The following METTL6 variants were observed in gnomAD, a reference collection of about 807,000 sequenced individuals.
The protein encoded by METTL6 is methyltransferase 6, tRNA N3-cytidine.
METTL6 carries 22 observed loss-of-function variants against 26.4 expected under a neutral mutation model. The observed-to-expected ratio is 0.83, with a 90% CI of 0.59 to 1.19. METTL6 has a LOEUF of 1.19. Ranked by LOEUF, METTL6 falls within the 50% of genes most tolerant of loss-of-function variation. METTL6 has a pLI of 0.00. For synonymous variants in METTL6, 109 were observed against 116.2 expected (o/e 0.94, Z 0.40); for missense variants, 304 against 324.8 (o/e 0.94, Z 0.49).
chr3:15,406,625 TATATAGAGAG>T (rs1298932966), downstream of METTL6, among the ~76,000 whole-genome samples: 9 of 36,342 alleles, frequency 2.5e-4, no homozygotes, highest in Non-Finnish European at 3.3e-4. Flanking sequence ...TATATATATA[TATATAGAGAG>T]AGAGAGAGAG....
downstream of METTL6, among the ~76,000 whole-genome samples, chr3:15,407,144 G>T (rs903223496): frequency 6.6e-6 from 1 of 151,940 alleles, no homozygotes; most frequent in Admixed American, 6.6e-5. Flanking sequence ...CAATTAGCTG[G>T]GACTACAGTG....
At chr3:15,401,595 T>C (rs1229047521) in intron 6 of METTL6, among the ~76,000 whole-genome samples, 2 of 148,636 alleles carry the variant, frequency 1.3e-5, no homozygotes, top group Non-Finnish European at 3.0e-5. Context: ...ACAAAGTCCC[T>C]GCTAATAAGA....
intron 6 of METTL6, among the ~76,000 whole-genome samples, chr3:15,394,606 A>C (rs1699437930): frequency 6.6e-6 from 1 of 152,026 alleles, no homozygotes; most frequent in African/African-American, 2.4e-5. Flanking sequence ...TCAATTTTAG[A>C]TCTTTCCTGC....
chr3:15,401,356 T>C (rs1446510081), intron 6 of METTL6, among the ~76,000 whole-genome samples: 1 of 151,404 alleles, frequency 6.6e-6, no homozygotes, highest in Non-Finnish European at 1.5e-5. Context: ...GTATTTTCTG[T>C]AGAAATGGGG....
chr3:15,417,634 G>A (rs2125005574), intron 3 of METTL6, among the ~76,000 whole-genome samples: 1 of 152,034 alleles, frequency 6.6e-6, no homozygotes, highest in Admixed American at 6.5e-5. Flanking sequence ...TGTATATACT[G>A]TATATATAAA....
chr3:15,389,870 T>G (rs985520311), intron 6 of METTL6, among the ~76,000 whole-genome samples: 1 of 148,182 alleles, frequency 6.7e-6, no homozygotes, highest in Non-Finnish European at 1.5e-5. Flanking sequence ...TTTTTTTTTT[T>G]AAAGAGAAAG....
intron 6 of METTL6, among the ~76,000 whole-genome samples, chr3:15,393,164 C>T (rs1699394525): frequency 6.6e-6 from 1 of 152,118 alleles, no homozygotes; most frequent in Non-Finnish European, 1.5e-5. Flanking sequence ...GTATCCTCTT[C>T]TATTACATTG....
chr3:15,396,056 G>C (rs933396259), intron 6 of METTL6, among the ~76,000 whole-genome samples: 12 of 152,060 alleles, frequency 7.9e-5, no homozygotes, highest in Non-Finnish European at 1.8e-4. Context: ...TGCTAGATTG[G>C]GGAAGTTCTC....
rs1191049049 is a variant in METTL6, at chr3:15,409,906, A to C, written c.*1350T>G. ...GAACACTCCTTTAGGCTAGAAATATATATGAGTGTCTTATTTTAGTCTACT... is the reference window on the plus strand; with the variant it reads ...GAACACTCCTTTAGGCTAGAAATATCTATGAGTGTCTTATTTTAGTCTACT... On this transcript the variant is annotated 3_prime_UTR_variant, in exon 6 of 6. Transcript: ENST00000383790. 6.6e-6 allele frequency among the ~76,000 whole-genome samples: 1 copy of C among 152,234 alleles called. No individual in the cohort carries two copies. Among genetic ancestry groups the C allele is most frequent in the Non-Finnish European group, 1.5e-5 (1 of 68,030 alleles).
chr3:15,422,750 A>G (rs2125033348), intron 3 of METTL6, among the ~76,000 whole-genome samples: 1 of 152,356 alleles, frequency 6.6e-6, no homozygotes, highest in Non-Finnish European at 1.5e-5. Context: ...AGTGTTCCCC[A>G]CATATTGGTT....
chr3:15,388,490 G>A (rs1699257059), intron 6 of METTL6, among the ~76,000 whole-genome samples: 1 of 152,166 alleles, frequency 6.6e-6, no homozygotes, highest in Non-Finnish European at 1.5e-5. Flanking sequence ...TCAGGTCAGA[G>A]ATAAAATCAT....
intron 6 of METTL6, among the ~76,000 whole-genome samples, chr3:15,385,319 C>T (rs1699162465): frequency 2.0e-5 from 3 of 152,030 alleles, no homozygotes; most frequent in South Asian, 4.1e-4. Flanking sequence ...ACTTGTTGGC[C>T]AGGCGCAGTG....
At chr3:15,386,046 G>A (rs770638317) in intron 6 of METTL6, among the ~76,000 whole-genome samples, 5 of 152,210 alleles carry the variant, frequency 3.3e-5, no homozygotes, top group Non-Finnish European at 7.3e-5. Flanking sequence ...CAGAGCAGAG[G>A]CATGGGCTGC....
chr3:15,422,597 G>C (rs917818089), intron 3 of METTL6, among the ~76,000 whole-genome samples: 2 of 151,824 alleles, frequency 1.3e-5, no homozygotes, highest in Admixed American at 1.3e-4. Context: ...CTGCACTCCA[G>C]CCTGGGTGAC....
At chr3:15,406,001 G>T (rs6796704), downstream of METTL6, among the ~76,000 whole-genome samples, 3,277 of 151,906 alleles carry the variant, frequency 0.022, 101 homozygotes, top group African/African-American at 0.072. Context: ...GAGTATGTGT[G>T]TGTGTATGTG....
rs200826646 is a variant in METTL6 at position 15,397,908 on chromosome 3, G to C, written c.*11+13337C>G. Among the ~76,000 whole-genome samples the C allele has an allele frequency of 7.2e-5, 11 of 152,172 alleles. No individual in the cohort carries two copies. The East Asian group carries it at 2.1e-3, about 29-fold the overall frequency. On this transcript the variant is annotated intron_variant, in intron 6 of 6. Coordinates refer to the METTL6 transcript ENST00000443029. ...TTTGGGATACTTTCTCAGGTTTCTT[G>C]CATGTCTGACACCCATGCTTTACCT...
At chr3:15,416,523 G>T (rs1258766139) in intron 3 of METTL6, among the ~76,000 whole-genome samples, 1 of 152,120 alleles carries the variant, frequency 6.6e-6, no homozygotes, top group Non-Finnish European at 1.5e-5. Context: ...CCAAAGTGCT[G>T]GGATTACAGG....
chr3:15,411,774 T>A (rs112108800), intron 5 of METTL6, among the ~76,000 whole-genome samples: 2,029 of 151,326 alleles, frequency 0.013, 48 homozygotes, highest in African/African-American at 0.045. Context: ...TAAAAAAAAA[T>A]TTTTTTTTGA....
chr3:15,419,301 A>T (rs1385482757), intron 3 of METTL6, among the ~76,000 whole-genome samples: 1 of 152,218 alleles, frequency 6.6e-6, no homozygotes, highest in Non-Finnish European at 1.5e-5. Context: ...TGACAAACCA[A>T]TAGAAAAATG....
Sources: gnomAD v4.1 joint callset for allele counts (sites outside exome capture counted in the v4.1 genomes callset) on GRCh38, gnomAD v4.1.1 for gene constraint, MANE v1.5 for transcripts, NCBI Gene and HGNC (gene_info 2026-07-23, HGNC 2026-07-21) for gene names.